WFIKKN2: variants seen among roughly 807,000 people sequenced by gnomAD.
WFIKKN2 encodes WAP, Kazal, immunoglobulin, Kunitz and NTR domain-containing protein 2.
A neutral mutation model predicts 39.2 loss-of-function variants in WFIKKN2; 25 were observed. The ratio of observed to expected loss-of-function variants is 0.64; its 90% CI spans 0.47 to 0.89. WFIKKN2 has a LOEUF of 0.89. WFIKKN2 is among the 40% of genes least tolerant of loss of function. The pLI is 0.00. For missense variants in WFIKKN2, 770 were observed against 811.7 expected, an observed-to-expected ratio of 0.95 and a Z score of 0.62; for synonymous variants, 345 against 329.7, an observed-to-expected ratio of 1.05 and a Z score of -0.50.
rs1280830249 is a variant in WFIKKN2 at position 50,842,312 on chromosome 17, AAGG to A, written c.*1298_*1300del. 3 of 151,948 alleles carry A rather than the reference AAGG, an allele frequency of 2.0e-5. No individual in the cohort carries two copies. Among genetic ancestry groups the A allele is most frequent in the Admixed American group, 6.6e-5 (1 of 15,232 alleles). 9.4% of individuals were successfully genotyped at this position (151,948 alleles called of 1,614,324 possible). On this transcript the variant is annotated 3_prime_UTR_variant, in exon 2 of 2. Coordinates refer to ENST00000311378, the MANE Select transcript of WFIKKN2 (RefSeq NM_175575.6). Reference sequence around the variant, plus strand: ...GCGTCCTCATTTCTTCCTCAAATATAAGGAGGAAGATACCAATTAAAAGCTCAT... The same window carrying A: ...GCGTCCTCATTTCTTCCTCAAATATAAGGAAGATACCAATTAAAAGCTCAT...
intron 1 of WFIKKN2, among the ~76,000 whole-genome samples, chr17:50,838,680 G>A (rs1039322776): frequency 1.3e-5 from 2 of 152,176 alleles, no homozygotes; most frequent in Non-Finnish European, 2.9e-5. Context: ...TTTTTTTCTT[G>A]TTGCTTTTCC....
At position 50,835,972 on chromosome 17, in the gene WFIKKN2, G is replaced by T; in HGVS notation, c.35G>T (p.Arg12Leu). 1 of 1,609,698 alleles carries T rather than the reference G, an allele frequency of 6.2e-7. No individual in the cohort carries two copies. The highest frequency in any genetic ancestry group is 1.3e-5 in the African/African-American group (1 of 75,028). ...WAPRCRRFWS[R>L]WEQVAALLLL... The stretch of plus-strand genomic sequence containing the variant: ...CCAAGGTGTCGCCGGTTCTGGTCTC[G>T]CTGGGAGCAGGTGGCAGCGCTGCTG... Residue 12 changes from arginine to leucine, a missense_variant, in exon 1 of 2, where the codon CGC (arginine) becomes CTC (leucine). Physicochemically the swap from Arg to Leu is moderately radical, Grantham distance 102. Coordinates refer to ENST00000311378, the MANE Select transcript of WFIKKN2 (RefSeq NM_175575.6).
rs754897993 is a variant in WFIKKN2, at chr17:50,836,016, G to A, written c.79G>A (p.Gly27Arg). 62 of 1,602,652 alleles carry A rather than the reference G, an allele frequency of 3.9e-5. 1 individual carries two copies. Among genetic ancestry groups the A allele is most frequent in the East Asian group, 2.3e-4 (10 of 44,328 alleles). Residue 27 changes from glycine (G) to arginine (R), a missense_variant, in exon 1 of 2, where the codon GGG becomes AGG. Gly to Arg is a moderately radical substitution (Grantham distance 125). Transcript: ENST00000311378. Reference sequence around the variant, plus strand: ...GCTGCTGCTGCTGCTGCTACTGCTCGGGGTGCCCCCGCGAAGCCTGGCGCT... The same window carrying A: ...GCTGCTGCTGCTGCTGCTACTGCTCAGGGTGCCCCCGCGAAGCCTGGCGCT... The part of the protein sequence containing the change: ...AALLLLLLLL[G>R]VPPRSLALPP...
rs574547550 is a variant in WFIKKN2, at chr17:50,841,022, C to G, written c.*3C>G. ...AGGAGTTTCTTGGCTTGCACTGAAG[C>G]CCCCCACCCCTCCCTGCCCCCTCCC... On this transcript the variant is annotated 3_prime_UTR_variant, in exon 2 of 2. Coordinates refer to ENST00000311378, the MANE Select transcript of WFIKKN2 (RefSeq NM_175575.6). 120 of 1,522,230 alleles carry G rather than the reference C, an allele frequency of 7.9e-5. 1 individual carries two copies. The highest frequency in any genetic ancestry group is 6.7e-4 in the South Asian group (52 of 77,322). The allele number at this position is 1,522,230 out of a possible 1,614,324, so 94.3% of individuals were successfully genotyped here.
At position 50,840,190 on chromosome 17, in the gene WFIKKN2, C is replaced by T. The variant is rs201598038; in HGVS notation, c.902C>T (p.Pro301Leu). 96 of 1,613,840 alleles carry T rather than the reference C, an allele frequency of 5.9e-5. No homozygotes were observed. The highest frequency in any genetic ancestry group is 6.9e-5 in the Non-Finnish European group (82 of 1,180,036). The change falls in exon 2 of 2, where the codon CCG becomes CTG. Residue 301 changes from proline to leucine, a missense_variant. Coordinates refer to ENST00000311378, the MANE Select transcript of WFIKKN2 (RefSeq NM_175575.6). ...GCTGGGGTCCTGAGGGCTGATTTCCCGCTGTCGGTGGTCAGGGGTCATCAG... is the reference window on the plus strand; with the variant it reads ...GCTGGGGTCCTGAGGGCTGATTTCCTGCTGTCGGTGGTCAGGGGTCATCAG... ...NVAGVLRADF[P>L]LSVVRGHQAA...
In WFIKKN2 at chr17:50,842,281, TGTG is replaced by T. The variant is rs887315724; in HGVS notation, c.*1264_*1266del. ...GCCCCTCCAAGCTGAAGAAGGTCCT[TGTG>T]GGGCGTCCTCATTTCTTCCTCAAAT... On this transcript the variant is annotated 3_prime_UTR_variant, in exon 2 of 2. Coordinates refer to ENST00000311378, the MANE Select transcript of WFIKKN2 (RefSeq NM_175575.6). 3.3e-5 allele frequency: 5 copies of T among 152,206 alleles called. No homozygotes were observed. The highest frequency in any genetic ancestry group is 4.8e-5 in the African/African-American group (2 of 41,424). 9.4% of individuals were successfully genotyped at this position (152,206 alleles called of 1,614,324 possible). A position where few individuals can be genotyped will look rare whatever the true frequency, so the allele number is the denominator to read the frequency against.
Position 50,840,728 on chromosome 17 carries a change from C to T in WFIKKN2, c.1440C>T (p.Arg480=), listed in dbSNP as rs756430725. Residue 480 remains arginine, a synonymous_variant, in exon 2 of 2, where the codon CGC becomes CGT. Transcript: ENST00000311378. The stretch of plus-strand genomic sequence containing the variant: ...TGACCGAGGAGCCTGACTCGGGCCG[C>T]GCCCTGGTGACTGTGGATGAGGTCC... The part of the protein sequence containing the change: ...SELTEEPDSG[R]ALVTVDEVLK... 7.4e-6 allele frequency: 12 copies of T among 1,613,848 alleles called. No individual in the cohort carries two copies. The highest frequency in any genetic ancestry group is 6.7e-5 in the African/African-American group (5 of 74,926).
chr17:50,839,543 C>A lies in WFIKKN2; in HGVS notation c.255C>A (p.Thr85=), dbSNP rs771694240. 2 of 1,614,108 alleles carry A rather than the reference C, an allele frequency of 1.2e-6. No homozygotes were observed. Among genetic ancestry groups the A allele is most frequent in the Non-Finnish European group, 1.7e-6 (2 of 1,179,996 alleles). Residue 85 remains threonine (T), a synonymous_variant, in exon 2 of 2, where the codon ACC becomes ACA. Coordinates refer to ENST00000311378, the MANE Select transcript of WFIKKN2 (RefSeq NM_175575.6). ...YEKCCPNVCG[T]KSCVAARYMD... ...AGTGCTGCCCCAACGTATGTGGGAC[C>A]AAGAGCTGCGTGGCGGCCCGCTACA...
chr17:50,839,976 C>G lies in WFIKKN2; in HGVS notation c.688C>G (p.Leu230Val), dbSNP rs562619882. 1.9e-6 allele frequency: 3 copies of G among 1,614,162 alleles called. No individual in the cohort carries two copies. The East Asian group carries it at 6.7e-5, about 36-fold the overall frequency. Residue 230 changes from leucine to valine, a missense_variant, in exon 2 of 2, where the codon CTC (leucine) becomes GTC (valine). Physicochemically the swap from Leu to Val is conservative, Grantham distance 32. Coordinates refer to ENST00000311378, the MANE Select transcript of WFIKKN2 (RefSeq NM_175575.6). ...CACCATGGGTGAGACAGTGAGCTTCCTCTGTGATGTGGTGGGCCGGCCCCG... is the reference window on the plus strand; with the variant it reads ...CACCATGGGTGAGACAGTGAGCTTCGTCTGTGATGTGGTGGGCCGGCCCCG... ...SVTMGETVSF[L>V]CDVVGRPRPE...
In WFIKKN2 at chr17:50,841,063, T is replaced by G; in HGVS notation, c.*44T>G. 1 of 1,406,216 alleles carries G rather than the reference T, an allele frequency of 7.1e-7. No individual in the cohort carries two copies. The allele number at this position is 1,406,216 out of a possible 1,614,324, so 87.1% of individuals were successfully genotyped here. On this transcript the variant is annotated 3_prime_UTR_variant, in exon 2 of 2. Coordinates refer to ENST00000311378, the MANE Select transcript of WFIKKN2 (RefSeq NM_175575.6). ...GCCCCCTCCCTGGCCTTCTTCCACC[T>G]ATCCACCCCAATGCCTCTCAGCAAA... is the stretch of plus-strand genomic sequence containing the variant.
rs769403148 is a variant in WFIKKN2, at chr17:50,836,104, T to C, written c.167T>C (p.Val56Ala). 6.2e-7 allele frequency: 1 copy of C among 1,612,966 alleles called. No individual in the cohort carries two copies. Among genetic ancestry groups the C allele is most frequent in the Non-Finnish European group, 8.5e-7 (1 of 1,179,548 alleles). ...CPNDMNPNLW[V>A]DAQSTCRREC... ...AACGACATGAATCCCAACCTCTGGGTGGACGCACAGAGCACCTGCAGGCGG... is the reference window on the plus strand; with the variant it reads ...AACGACATGAATCCCAACCTCTGGGCGGACGCACAGAGCACCTGCAGGCGG... Residue 56 changes from valine to alanine, a missense_variant, in exon 1 of 2, where the codon GTG becomes GCG. Coordinates refer to ENST00000311378, the MANE Select transcript of WFIKKN2 (RefSeq NM_175575.6).
At position 50,835,872 on chromosome 17, in the gene WFIKKN2, G is replaced by C; in HGVS notation, c.-66G>C. On this transcript the variant is annotated 5_prime_UTR_variant, in exon 1 of 2. Coordinates refer to ENST00000311378, the MANE Select transcript of WFIKKN2 (RefSeq NM_175575.6). The stretch of plus-strand genomic sequence containing the variant: ...AGGTGTCTGCAGCCCCTGAGAAGAA[G>C]GCCCTGGTGGGCCCCAGACCCTGGC... 6.5e-7 allele frequency: 1 copy of C among 1,528,860 alleles called. No homozygotes were observed. Among genetic ancestry groups the C allele is most frequent in the Middle Eastern group, 1.9e-4 (1 of 5,168 alleles). 94.7% of individuals were successfully genotyped at this position (1,528,860 alleles called of 1,614,324 possible). A position where few individuals can be genotyped will look rare whatever the true frequency, so the allele number is the denominator to read the frequency against.
chr17:50,839,448 C>T, intron 1 of WFIKKN2, 51 bp from the exon 2 acceptor site: 3 of 1,528,656 alleles, frequency 2.0e-6, no homozygotes, highest in South Asian at 2.5e-5. Flanking sequence ...GATAGGGAGC[C>T]CCTCCTTTCC....
In WFIKKN2 at chr17:50,840,127, A is replaced by G; in HGVS notation, c.839A>G (p.Gln280Arg). Reference protein sequence around the residue: ...AQLVIYNAQLQDAGIYTCTAR... With the variant: ...AQLVIYNAQLRDAGIYTCTAR... ...CTGGTCATCTATAACGCCCAGCTGC[A>G]GGATGCTGGGATCTACACCTGCACG... The change falls in exon 2 of 2, where the codon CAG becomes CGG. Residue 280 changes from glutamine (Q) to arginine (R), a missense_variant. Physicochemically the swap from Gln to Arg is conservative, Grantham distance 43. Coordinates refer to ENST00000311378, the MANE Select transcript of WFIKKN2 (RefSeq NM_175575.6). 1 of 1,606,358 alleles carries G rather than the reference A, an allele frequency of 6.2e-7. No individual in the cohort carries two copies. Among genetic ancestry groups the G allele is most frequent in the East Asian group, 2.2e-5 (1 of 44,544 alleles).
chr17:50,839,559 G>A lies in WFIKKN2; in HGVS notation c.271G>A (p.Ala91Thr), dbSNP rs1198209575. The A allele has an allele frequency of 6.2e-7, 1 of 1,614,154 alleles. No homozygotes were observed. The highest frequency in any genetic ancestry group is 1.1e-5 in the South Asian group (1 of 91,072). ...ATGTGGGACCAAGAGCTGCGTGGCGGCCCGCTACATGGACGTGAAAGGGAA... is the reference window on the plus strand; with the variant it reads ...ATGTGGGACCAAGAGCTGCGTGGCGACCCGCTACATGGACGTGAAAGGGAA... ...NVCGTKSCVAARYMDVKGKKG... is the reference protein window; with the variant it reads ...NVCGTKSCVATRYMDVKGKKG... Residue 91 changes from alanine (A) to threonine (T), a missense_variant, in exon 2 of 2, where the codon GCC (alanine) becomes ACC (threonine). Ala to Thr is a moderately conservative substitution (Grantham distance 58). Coordinates refer to ENST00000311378, the MANE Select transcript of WFIKKN2 (RefSeq NM_175575.6).
At position 50,840,287 on chromosome 17, in the gene WFIKKN2, CAGTG is replaced by C. The variant is rs1165308602; in HGVS notation, c.1002_1005del (p.Ser334ArgfsTer20). The C allele has an allele frequency of 1.2e-6, 2 of 1,614,062 alleles. No individual in the cohort carries two copies. The highest frequency in any genetic ancestry group is 8.5e-7 in the Non-Finnish European group (1 of 1,179,980). On this transcript the variant is annotated frameshift_variant, in exon 2 of 2. Transcript: ENST00000311378. LOFTEE classifies it high-confidence loss of function. ...CGGCCGAGTGCCTGAAGCCCCCAGA[CAGTG>C]AGGACTGTGGCGAAGAGCAGACCCG... is the stretch of plus-strand genomic sequence containing the variant.
Position 50,840,943 on chromosome 17 carries a change from G to A in WFIKKN2, c.1655G>A (p.Arg552His), listed in dbSNP as rs762331072. Residue 552 changes from arginine (R) to histidine (H), a missense_variant, in exon 2 of 2, where the codon CGC becomes CAC. Transcript: ENST00000311378. ...PDSFVGASSA[R>H]RVRKLREVMH... Reference sequence around the variant, plus strand: ...AGCTTTGTGGGCGCATCGAGTGCCCGCCGGGTCAGGAAGCTTCGTGAGGTC... The same window carrying A: ...AGCTTTGTGGGCGCATCGAGTGCCCACCGGGTCAGGAAGCTTCGTGAGGTC... The A allele has an allele frequency of 3.1e-6, 5 of 1,591,372 alleles. No individual in the cohort carries two copies. The highest frequency in any genetic ancestry group is 1.7e-5 in the Admixed American group (1 of 58,916).
chr17:50,840,397 C>A lies in WFIKKN2; in HGVS notation c.1109C>A (p.Thr370Asn). 1.2e-5 allele frequency: 19 copies of A among 1,614,124 alleles called. No homozygotes were observed. The highest frequency in any genetic ancestry group is 1.5e-5 in the Non-Finnish European group (18 of 1,180,010). Residue 370 changes from threonine to asparagine, a missense_variant, in exon 2 of 2, where the codon ACC (threonine) becomes AAC (asparagine). By Grantham distance (65) the Thr-to-Asn change is moderately conservative. Coordinates refer to ENST00000311378, the MANE Select transcript of WFIKKN2 (RefSeq NM_175575.6). Reference sequence around the variant, plus strand: ...CACCGTAACCTCAACCACTTTGAGACCTATGAGGCCTGCATGCTGGCCTGC... The same window carrying A: ...CACCGTAACCTCAACCACTTTGAGAACTATGAGGCCTGCATGCTGGCCTGC... Reference protein sequence around the residue: ...HCHRNLNHFETYEACMLACMS... With the variant: ...HCHRNLNHFENYEACMLACMS...
At chr17:50,839,384 T>C in intron 1 of WFIKKN2, 115 bp from the exon 2 acceptor site, 1 of 966,862 alleles carries the variant, frequency 1.0e-6, no homozygotes. Flanking sequence ...AGTGTTTTGC[T>C]CCCACTAGAT....
Sources: gnomAD v4.1 joint callset for allele counts (sites outside exome capture counted in the v4.1 genomes callset) on GRCh38, gnomAD v4.1.1 for gene constraint, MANE v1.5 for transcripts, NCBI Gene and HGNC (gene_info 2026-07-23, HGNC 2026-07-21) for gene names.